The following UNC79 variants were observed in gnomAD, a reference collection of about 807,000 sequenced individuals.
The protein encoded by UNC79 is protein unc-79 homolog.
A neutral mutation model predicts 283.1 loss-of-function variants in UNC79; 37 were observed. That is an observed-to-expected ratio of 0.13 (90% CI 0.10 to 0.17). The LOEUF (loss-of-function observed/expected upper bound fraction) is 0.17. UNC79 is among the 10% of genes least tolerant of loss of function. The pLI is 1.00. For missense variants in UNC79, 2,272 were observed against 3,211.1 expected (o/e 0.71, Z 7.07); for synonymous variants, 1,107 against 1,200.2 (o/e 0.92, Z 1.61).
At chr14:93,538,054 C>A in exon 12 of UNC79, 1 of 1,614,146 alleles carries the variant, frequency 6.2e-7, no homozygotes, top group Non-Finnish European at 8.5e-7. Flanking sequence ...GTGGTCGTCA[C>A]GGAAACAGGC....
chr14:93,540,168 T>C (rs2061307388), intron 12 of UNC79, among the ~76,000 whole-genome samples: 1 of 152,266 alleles, frequency 6.6e-6, no homozygotes, highest in Non-Finnish European at 1.5e-5. Flanking sequence ...CTTTTTAAAA[T>C]TGGAACTTGT....
At chr14:93,685,618 A>G (rs1189614553) in intron 42 of UNC79, among the ~76,000 whole-genome samples, 2 of 152,170 alleles carry the variant, frequency 1.3e-5, no homozygotes, top group African/African-American at 2.4e-5. Context: ...GGAAAATGAG[A>G]GCCACTGGGT....
intron 1 of UNC79, among the ~76,000 whole-genome samples, chr14:93,405,466 A>G (rs2055207760): frequency 6.6e-6 from 1 of 152,202 alleles, no homozygotes; most frequent in South Asian, 2.1e-4. Flanking sequence ...AAAAATTAAC[A>G]AAATATAAAA....
chr14:93,540,712 C>T (rs370584357), exon 13 of UNC79: 7 of 1,613,654 alleles, frequency 4.3e-6, no homozygotes, highest in African/African-American at 1.3e-5. Flanking sequence ...TGAGCTGAAC[C>T]GGCGGCGGCA....
At position 93,527,906 on chromosome 14, in the gene UNC79, C is replaced by G. The variant is rs368898209; in HGVS notation, c.964-652C>G. Among the ~76,000 whole-genome samples the G allele has an allele frequency of 7.9e-5, 12 of 151,558 alleles. No individual in the cohort carries two copies. The South Asian group carries it at 1.2e-3, about 16-fold the overall frequency. On this transcript the variant is annotated intron_variant, in intron 8 of 48. Coordinates refer to ENST00000555664, the Ensembl canonical transcript of UNC79. ...GAAATTAACACTTTGCATCTCTGTG[C>G]TTAGGCTCGTGAAACCCAGCTGTAT...
chr14:93,638,785 T>C (rs1475197819), intron 32 of UNC79, among the ~76,000 whole-genome samples: 2 of 152,178 alleles, frequency 1.3e-5, no homozygotes, highest in African/African-American at 4.8e-5. Context: ...TGCAGACTTA[T>C]TGTGACTGAA....
chr14:93,551,708 T>C (rs900465912), intron 14 of UNC79, among the ~76,000 whole-genome samples: 30 of 152,130 alleles, frequency 2.0e-4, no homozygotes, highest in Non-Finnish European at 3.7e-4. Context: ...ATTGGTGAGG[T>C]AGTGGTGTGG....
intron 40 of UNC79, among the ~76,000 whole-genome samples, chr14:93,667,049 A>G (rs2072279780): frequency 6.6e-6 from 1 of 152,054 alleles, no homozygotes; most frequent in African/African-American, 2.4e-5. Context: ...GGCTGCCACA[A>G]GCTATGATTG....
intron 32 of UNC79, among the ~76,000 whole-genome samples, chr14:93,640,468 A>G (rs939895061): frequency 1.3e-5 from 2 of 152,110 alleles, no homozygotes; most frequent in African/African-American, 4.8e-5. Context: ...GTCTTTACAA[A>G]AACTTAAAAA....
At chr14:93,580,687 A>G (rs755272047) in intron 19 of UNC79, among the ~76,000 whole-genome samples, 1 of 152,192 alleles carries the variant, frequency 6.6e-6, no homozygotes. Context: ...TACAAAGTTT[A>G]AGTGACAATG....
At chr14:93,348,797 A>G (rs1156940617) in intron 1 of UNC79, among the ~76,000 whole-genome samples, 1 of 152,214 alleles carries the variant, frequency 6.6e-6, no homozygotes, top group South Asian at 2.1e-4. Flanking sequence ...TGGTTTCCTT[A>G]TCTCTGTAAT....
intron 1 of UNC79, among the ~76,000 whole-genome samples, chr14:93,362,811 T>C (rs1265876095): frequency 6.6e-6 from 1 of 152,192 alleles, no homozygotes; most frequent in African/African-American, 2.4e-5. Context: ...GATTTTGTTT[T>C]TCTTTGAGTT....
chr14:93,434,548 A>G (rs984068326), intron 1 of UNC79, among the ~76,000 whole-genome samples: 1 of 152,170 alleles, frequency 6.6e-6, no homozygotes, highest in Non-Finnish European at 1.5e-5. Context: ...AAATTGACCA[A>G]TCGGGATCAC....
In UNC79 at chr14:93,393,787, C is replaced by A. The variant is rs75200415; in HGVS notation, c.-351+60264C>A. Among the ~76,000 whole-genome samples, 161 of 152,242 alleles carry A rather than the reference C, an allele frequency of 1.1e-3. 1 individual carries two copies. Among genetic ancestry groups the A allele is most frequent in the Non-Finnish European group, 5.7e-4 (39 of 68,010 alleles). On this transcript the variant is annotated intron_variant, in intron 1 of 49. Transcript: ENST00000256339. Reference sequence around the variant, plus strand: ...TGTGTGATTGGATATTTCCCACCCCCCTAGAAAGTATTTGCTAACTGGCTT... The same window carrying A: ...TGTGTGATTGGATATTTCCCACCCCACTAGAAAGTATTTGCTAACTGGCTT...
chr14:93,600,446 T>C (rs1374165779), intron 24 of UNC79, 123 bp from the exon 25 acceptor site: 1 of 629,646 alleles, frequency 1.6e-6, no homozygotes. Context: ...TTCTACATTA[T>C]AAGTTTGAAT....
chr14:93,495,373 G>A (rs2058970028), intron 5 of UNC79, among the ~76,000 whole-genome samples: 1 of 152,190 alleles, frequency 6.6e-6, no homozygotes, highest in African/African-American at 2.4e-5. Context: ...GATCTCGGGA[G>A]AACTCACTCA....
At chr14:93,675,225 C>T (rs1416863885) in intron 41 of UNC79, among the ~76,000 whole-genome samples, 2 of 152,132 alleles carry the variant, frequency 1.3e-5, no homozygotes, top group Non-Finnish European at 2.9e-5. Context: ...AGAGATGTGA[C>T]AGGCATATCC....
chr14:93,419,147 A>G (rs1348801000), intron 1 of UNC79, among the ~76,000 whole-genome samples: 1 of 148,164 alleles, frequency 6.7e-6, no homozygotes, highest in African/African-American at 2.5e-5. Context: ...AGCTGTTCCT[A>G]TTTGGCCATC....
chr14:93,337,309 CTCT>C (rs951278126), intron 1 of UNC79, among the ~76,000 whole-genome samples: 6 of 152,246 alleles, frequency 3.9e-5, no homozygotes, highest in African/African-American at 1.4e-4. Context: ...CCCAAAAAAG[CTCT>C]TCTTAAGTTT....
Sources: gnomAD v4.1 joint callset for allele counts (sites outside exome capture counted in the v4.1 genomes callset) on GRCh38, gnomAD v4.1.1 for gene constraint, MANE v1.5 for transcripts, NCBI Gene and HGNC (gene_info 2026-07-23, HGNC 2026-07-21) for gene names.